DLGAP2: variants seen among roughly 807,000 people sequenced by gnomAD.
DLGAP2 encodes the protein DLG associated protein 2.
In DLGAP2, 26 loss-of-function variants were observed where a neutral mutation model predicts 100.3. The ratio of observed to expected loss-of-function variants is 0.26; its 90% CI spans 0.19 to 0.36. The LOEUF (loss-of-function observed/expected upper bound fraction) is 0.36, where lower values mean the gene tolerates loss of function less well. Ranked by LOEUF, DLGAP2 falls within the 10% of genes least tolerant of loss-of-function variation. The probability of loss-of-function intolerance (pLI) is 1.00; values close to 1 mark genes in which losing one functional copy is unlikely to be tolerated. For synonymous variants in DLGAP2, 886 were observed against 630.1 expected (o/e 1.41, Z -6.08); for missense variants, 1,858 against 1,453.2 (o/e 1.28, Z -4.53).
At chr8:1,495,749 G>A (rs1414746020) in intron 3 of DLGAP2, among the ~76,000 whole-genome samples, 2 of 152,220 alleles carry the variant, frequency 1.3e-5, no homozygotes, top group Non-Finnish European at 2.9e-5. Flanking sequence ...GGCCGTGCTG[G>A]GTCTGTGCCC....
intron 2 of DLGAP2, among the ~76,000 whole-genome samples, chr8:1,081,371 A>C (rs767452836): frequency 1.3e-5 from 2 of 152,348 alleles, no homozygotes; most frequent in African/African-American, 2.4e-5. Context: ...AGTTTTTTTG[A>C]GATGGAATCT....
intron 3 of DLGAP2, among the ~76,000 whole-genome samples, chr8:1,444,316 C>T (rs1024214975): frequency 1.2e-4 from 19 of 152,230 alleles, no homozygotes; most frequent in Non-Finnish European, 2.8e-4. Context: ...TATTAATGGG[C>T]ACTTACACGG....
At chr8:1,223,996 T>A (rs1798366757) in intron 2 of DLGAP2, among the ~76,000 whole-genome samples, 7 of 152,222 alleles carry the variant, frequency 4.6e-5, no homozygotes. Flanking sequence ...CTTCTCATTG[T>A]TTCCCCTTGA....
At chr8:1,676,792 A>G (rs1798821689) in intron 11 of DLGAP2, among the ~76,000 whole-genome samples, 174 bp downstream of exon 11, 1 of 152,338 alleles carries the variant, frequency 6.6e-6, no homozygotes, top group African/African-American at 2.4e-5. Context: ...ACACCCGCCT[A>G]TGTCTTGTTT....
At chr8:1,364,796 G>T (rs1243779516) in intron 3 of DLGAP2, among the ~76,000 whole-genome samples, 2 of 152,234 alleles carry the variant, frequency 1.3e-5, no homozygotes, top group African/African-American at 2.4e-5. Context: ...AGAGAGAGGG[G>T]ACGCTGTGCA....
intron 2 of DLGAP2, among the ~76,000 whole-genome samples, chr8:1,227,175 G>GTATATATATATA (rs1554506465): frequency 1.6e-5 from 1 of 62,950 alleles, no homozygotes; most frequent in African/African-American, 1.1e-4. Flanking sequence ...TATATATATA[G>GTATATATATATA]TATAGATATA....
intron 3 of DLGAP2, among the ~76,000 whole-genome samples, chr8:1,367,820 C>G (rs763716568): frequency 1.3e-5 from 2 of 152,184 alleles, no homozygotes; most frequent in African/African-American, 4.8e-5. Flanking sequence ...GATTGTATCA[C>G]AAATAGCAAG....
chr8:1,033,919 G>A (rs147088437), intron 2 of DLGAP2, among the ~76,000 whole-genome samples: 2,620 of 58,080 alleles, frequency 0.045, 98 homozygotes, highest in Non-Finnish European at 0.059. Flanking sequence ...CCCTCATCCC[G>A]ACCCCATGTG....
At chr8:1,280,168 G>C (rs1585218523) in intron 3 of DLGAP2, among the ~76,000 whole-genome samples, 1 of 152,102 alleles carries the variant, frequency 6.6e-6, no homozygotes, top group East Asian at 1.9e-4. Flanking sequence ...ATTCCTGATG[G>C]TTTTTCATTA....
chr8:1,169,790 A>T (rs553100889), intron 2 of DLGAP2, among the ~76,000 whole-genome samples: 7,632 of 151,570 alleles, frequency 0.05, 237 homozygotes, highest in African/African-American at 0.083. Flanking sequence ...GGGCTGAGAC[A>T]GTGGGATTTT....
At chr8:1,592,256 T>A (rs1272906085) in intron 6 of DLGAP2, among the ~76,000 whole-genome samples, 1 of 152,200 alleles carries the variant, frequency 6.6e-6, no homozygotes, top group African/African-American at 2.4e-5. Context: ...TACGCCCCCA[T>A]CGGCTGTTTC....
chr8:1,364,065 G>T (rs1216526639), intron 3 of DLGAP2, among the ~76,000 whole-genome samples: 1 of 152,148 alleles, frequency 6.6e-6, no homozygotes, highest in African/African-American at 2.4e-5. Flanking sequence ...CCTCACTCCT[G>T]CCGCCTTCAG....
At position 1,152,793 on chromosome 8, in the gene DLGAP2, C is replaced by T. The variant is rs527395356; in HGVS notation, c.74-106058C>T. The stretch of plus-strand genomic sequence containing the variant: ...ATGTCTAAAACCAGATGGGCCAAAC[C>T]TACATCACATTTTGCCTCTTAGTGG... On this transcript the variant is annotated intron_variant, in intron 2 of 14. Coordinates refer to ENST00000637795, the MANE Select transcript of DLGAP2 (RefSeq NM_001346810.2). Among the ~76,000 whole-genome samples, 6 of 152,324 alleles carry T rather than the reference C, an allele frequency of 3.9e-5. No individual in the cohort carries two copies. The South Asian group carries it at 1.2e-3, about 32-fold the overall frequency.
intron 2 of DLGAP2, among the ~76,000 whole-genome samples, chr8:1,182,545 G>A (rs953572500): frequency 3.9e-5 from 6 of 152,224 alleles, no homozygotes; most frequent in African/African-American, 1.4e-4. Context: ...GTCTATGTGA[G>A]ATGCTGGGTG....
intron 12 of DLGAP2, among the ~76,000 whole-genome samples, chr8:1,683,954 G>GTGTATATATATATATATATATATA (rs1450063590): frequency 1.3e-5 from 1 of 74,754 alleles, no homozygotes; most frequent in Non-Finnish European, 2.3e-5. Flanking sequence ...ATATATGTGT[G>GTGTATATATATATATATATATATA]TATATATATA....
rs1195181112 is a variant in DLGAP2 at position 1,668,384 on chromosome 8, C to T, written c.1866C>T (p.Thr622=). The T allele has an allele frequency of 6.3e-7, 1 of 1,599,750 alleles. No homozygotes were observed. Among genetic ancestry groups the T allele is most frequent in the South Asian group, 1.1e-5 (1 of 88,760 alleles). The change falls in exon 9 of 15, where the codon ACC becomes ACT. Residue 622 remains threonine, a synonymous_variant. Coordinates refer to ENST00000637795, the MANE Select transcript of DLGAP2 (RefSeq NM_001346810.2). ...KTPPPVPPRT[T]SKPLISVTAQ... is the part of the protein sequence containing the mutation. Reference sequence around the variant, plus strand: ...CCCCACCGGTGCCCCCTCGGACCACCTCCAAGCCTCTGATCTCGGTGACGG... The same window carrying T: ...CCCCACCGGTGCCCCCTCGGACCACTTCCAAGCCTCTGATCTCGGTGACGG...
intron 1 of DLGAP2, among the ~76,000 whole-genome samples, chr8:853,558 C>T (rs7823573): frequency 0.23 from 35,537 of 152,046 alleles, 4,438 homozygotes; most frequent in African/African-American, 0.3. Context: ...CAGGGCCAGA[C>T]TCACCCCTCA....
chr8:1,004,703 G>T (rs1397359129), intron 2 of DLGAP2, among the ~76,000 whole-genome samples: 1 of 152,148 alleles, frequency 6.6e-6, no homozygotes, highest in Non-Finnish European at 1.5e-5. Flanking sequence ...AGTGTCTCCA[G>T]TATGTGCGGC....
intron 1 of DLGAP2, among the ~76,000 whole-genome samples, chr8:824,542 C>G (rs189060411): frequency 2.3e-4 from 35 of 152,264 alleles, no homozygotes; most frequent in Admixed American, 1.8e-3. Context: ...ACCCAGTATT[C>G]GTGACTCCTG....
Sources: allele counts gnomAD v4.1 joint callset (sites outside exome capture counted in the v4.1 genomes callset), GRCh38; gene constraint gnomAD v4.1.1; transcripts MANE v1.5; gene names NCBI Gene and HGNC (gene_info 2026-07-23, HGNC 2026-07-21).